Variants in CACNA2D1 observed in about 807,000 individuals in gnomAD.
CACNA2D1 encodes calcium voltage-gated channel auxiliary subunit alpha2delta 1, also known as voltage-dependent calcium channel subunit alpha-2/delta-1.
Under a neutral mutation model 171.5 loss-of-function variants are expected in CACNA2D1, and 53 were observed. That is an observed-to-expected ratio of 0.31 (90% CI 0.25 to 0.39). CACNA2D1 has a LOEUF of 0.39. Among genes scored for constraint, CACNA2D1 ranks in the 10% least tolerant of loss-of-function variants. The pLI is 1.00. For synonymous variants in CACNA2D1, 442 were observed against 443.1 expected (o/e 1.00, Z 0.03); for missense variants, 903 against 1,299.8 (o/e 0.69, Z 4.69).
In CACNA2D1 at chr7:82,005,843, T is replaced by C. The variant is rs1226247325; in HGVS notation, c.1441-4A>G. 1.3e-6 allele frequency: 2 copies of C among 1,589,450 alleles called. No homozygotes were observed. The highest frequency in any genetic ancestry group is 8.6e-7 in the Non-Finnish European group (1 of 1,158,268). ...TCACACCAAGAATCAGCTGGTTCTA[T>C]AATAAGAGGGCAAAAAATGGCATTT... On this transcript the variant is annotated splice_polypyrimidine_tract_variant and splice_region_variant and intron_variant, in intron 16 of 38. Coordinates refer to ENST00000356860, the MANE Select transcript of CACNA2D1 (RefSeq NM_000722.4).
In CACNA2D1 at chr7:82,189,234, T is replaced by C. The variant is rs138899570; in HGVS notation, c.295-18625A>G. ...TGTCAACACTATGATGAAAATGGTA[T>C]TTGGGCTGTAGTATTCCATTCTTCT... On this transcript the variant is annotated intron_variant, in intron 3 of 38. Coordinates refer to ENST00000356860, the MANE Select transcript of CACNA2D1 (RefSeq NM_000722.4). Among the ~76,000 whole-genome samples, 86 of 152,092 alleles carry C rather than the reference T, an allele frequency of 5.7e-4. 1 individual carries two copies. In the East Asian group the frequency reaches 0.014, roughly 25 times the overall value.
At chr7:82,270,223 G>A (rs555194214) in intron 3 of CACNA2D1, among the ~76,000 whole-genome samples, 11 of 152,102 alleles carry the variant, frequency 7.2e-5, no homozygotes, top group African/African-American at 1.7e-4. Flanking sequence ...ACATCTTCAT[G>A]CTCTTGAGTC....
In CACNA2D1 at chr7:82,171,566, T is replaced by C. The variant is rs370191233; in HGVS notation, c.295-957A>G. On this transcript the variant is annotated intron_variant, in intron 3 of 38. Transcript: ENST00000356860. ...ATGTGAAAGCCTGCCTCATGGCTTA[T>C]TGGAAGGACTAAATGAGTTACAAAG... Among the ~76,000 whole-genome samples the C allele has an allele frequency of 1.9e-4, 29 of 152,196 alleles. 1 individual carries two copies. The East Asian group carries it at 3.1e-3, about 16-fold the overall frequency.
chr7:82,123,480 G>A lies in CACNA2D1; in HGVS notation c.397-6307C>T, dbSNP rs1019763273. 2.0e-5 allele frequency among the ~76,000 whole-genome samples: 3 copies of A among 152,274 alleles called. No homozygotes were observed. The East Asian group carries it at 5.8e-4, about 29-fold the overall frequency. ...CAAATGCATCAAAATTAAATACGGA[G>A]AGAATAATGGATAGATGTAATAAAT... On this transcript the variant is annotated intron_variant, in intron 5 of 38. Transcript: ENST00000356860.
At chr7:82,344,805 G>A (rs188909033) in intron 2 of CACNA2D1, among the ~76,000 whole-genome samples, 247 of 152,192 alleles carry the variant, frequency 1.6e-3, no homozygotes, top group Non-Finnish European at 2.2e-3. Context: ...CTTAATTGTT[G>A]AGGAAAGTAA....
chr7:82,370,736 A>G (rs1262582423), intron 1 of CACNA2D1, among the ~76,000 whole-genome samples: 1 of 152,164 alleles, frequency 6.6e-6, no homozygotes, highest in African/African-American at 2.4e-5. Flanking sequence ...AAAATGCTCA[A>G]GAGTGTTCAC....
intron 3 of CACNA2D1, among the ~76,000 whole-genome samples, chr7:82,304,084 T>C (rs1813394294): frequency 6.6e-6 from 1 of 151,498 alleles, no homozygotes; most frequent in South Asian, 2.1e-4. Context: ...ACAGGTATAT[T>C]AAAAAAAAGT....
intron 3 of CACNA2D1, among the ~76,000 whole-genome samples, chr7:82,216,129 C>T (rs1357417652): frequency 6.6e-6 from 1 of 152,106 alleles, no homozygotes; most frequent in Non-Finnish European, 1.5e-5. Context: ...TTTCTTTATA[C>T]AGAGACTTGT....
At chr7:82,190,732 G>GA (rs1798208776) in intron 3 of CACNA2D1, among the ~76,000 whole-genome samples, 1 of 151,220 alleles carries the variant, frequency 6.6e-6, no homozygotes, top group African/African-American at 2.4e-5. Context: ...TTGGTATTAT[G>GA]AAAAAAAGAA....
At position 82,258,447 on chromosome 7, in the gene CACNA2D1, T is replaced by C. The variant is rs574210000; in HGVS notation, c.294+76688A>G. ...CTTAAAAAGAGCTTCAATTCTTGAG[T>C]ATTCCTGGCAGGTCCATCATCTGAG... On this transcript the variant is annotated intron_variant, in intron 3 of 38. Transcript: ENST00000356860. Among the ~76,000 whole-genome samples the C allele has an allele frequency of 9.9e-5, 15 of 152,248 alleles. No homozygotes were observed. The South Asian group carries it at 3.1e-3, about 32-fold the overall frequency.
At chr7:82,174,289 C>T (rs956045492) in intron 3 of CACNA2D1, among the ~76,000 whole-genome samples, 11 of 151,742 alleles carry the variant, frequency 7.2e-5, no homozygotes, top group Admixed American at 2.6e-4. Flanking sequence ...ACAATGAATA[C>T]CTATGAGAAA....
intron 7 of CACNA2D1, 125 bp downstream of exon 7, chr7:82,084,644 T>A: frequency 9.0e-7 from 1 of 1,109,420 alleles, no homozygotes; most frequent in Non-Finnish European, 1.4e-6. Context: ...AAGAGGAATG[T>A]TCTTTCCTTA....
chr7:81,990,635 A>C (rs1199318780), intron 21 of CACNA2D1, among the ~76,000 whole-genome samples: 1 of 152,082 alleles, frequency 6.6e-6, no homozygotes, highest in Non-Finnish European at 1.5e-5. Context: ...AGCTCAGAGG[A>C]GAGTTAGAGC....
At chr7:82,107,812 G>C (rs1480937713) in intron 6 of CACNA2D1, among the ~76,000 whole-genome samples, 1 of 151,844 alleles carries the variant, frequency 6.6e-6, no homozygotes, top group Non-Finnish European at 1.5e-5. Flanking sequence ...TCGAACTCCT[G>C]ACCTCAGATG....
At chr7:82,423,672 A>G (rs915229209) in intron 1 of CACNA2D1, among the ~76,000 whole-genome samples, 4 of 152,226 alleles carry the variant, frequency 2.6e-5, no homozygotes, top group Non-Finnish European at 4.4e-5. Context: ...TAGCTAAAAT[A>G]GAAAGTAAGT....
At chr7:82,044,643 C>G (rs1804338660) in intron 10 of CACNA2D1, among the ~76,000 whole-genome samples, 1 of 152,030 alleles carries the variant, frequency 6.6e-6, no homozygotes, top group South Asian at 2.1e-4. Context: ...TTAGTAAGTA[C>G]AAACACAAAT....
intron 3 of CACNA2D1, among the ~76,000 whole-genome samples, chr7:82,217,275 C>A (rs1177000971): frequency 6.6e-6 from 1 of 150,940 alleles, no homozygotes. Context: ...AGAGGACAAT[C>A]AACTAATAAA....
At chr7:82,107,870 G>A (rs5014756) in intron 6 of CACNA2D1, among the ~76,000 whole-genome samples, 43,072 of 151,866 alleles carry the variant, frequency 0.28, 6,593 homozygotes, top group African/African-American at 0.4. Flanking sequence ...AGACATTAGC[G>A]TCCGCGCCCA....
At chr7:81,957,044 A>C (rs1239506827) in intron 38 of CACNA2D1, among the ~76,000 whole-genome samples, 1 of 152,152 alleles carries the variant, frequency 6.6e-6, no homozygotes, top group Non-Finnish European at 1.5e-5. Flanking sequence ...AAATCTAAAA[A>C]GTTATTTAAG....
Sources: allele counts gnomAD v4.1 joint callset (sites outside exome capture counted in the v4.1 genomes callset), GRCh38; gene constraint gnomAD v4.1.1; transcripts MANE v1.5; gene names NCBI Gene and HGNC (gene_info 2026-07-23, HGNC 2026-07-21).